Variants in LRMDA observed in about 807,000 individuals in gnomAD.
LRMDA encodes the protein leucine rich melanocyte differentiation associated.
In LRMDA, 18 loss-of-function variants were observed where a neutral mutation model predicts 29.8. That is an observed-to-expected ratio of 0.60 (90% confidence interval 0.42 to 0.90). The LOEUF (loss-of-function observed/expected upper bound fraction) is 0.90, where lower values mean the gene tolerates loss of function less well. Among genes scored for constraint, LRMDA ranks in the 40% least tolerant of loss-of-function variants. The pLI is 0.00. For synonymous variants in LRMDA, 125 were observed against 109.4 expected, an observed-to-expected ratio of 1.14 and a Z score of -0.89; for missense variants, 273 against 273.9, an observed-to-expected ratio of 1.00 and a Z score of 0.02.
At chr10:76,386,937 T>G (rs565455789) in intron 6 of LRMDA, among the ~76,000 whole-genome samples, 3 of 152,122 alleles carry the variant, frequency 2.0e-5, no homozygotes, top group African/African-American at 7.2e-5. Flanking sequence ...CAAGTAAACA[T>G]AAAAAGCTCA....
At chr10:76,125,782 C>T (rs1240008103) in intron 5 of LRMDA, among the ~76,000 whole-genome samples, 1 of 152,196 alleles carries the variant, frequency 6.6e-6, no homozygotes, top group Admixed American at 6.5e-5. Flanking sequence ...ACTGTCTCGA[C>T]CTCCTCAGTT....
chr10:76,487,056 A>G (rs1406576255), intron 6 of LRMDA, among the ~76,000 whole-genome samples: 1 of 151,946 alleles, frequency 6.6e-6, no homozygotes, highest in East Asian at 1.9e-4. Context: ...ATAAGATGGA[A>G]ATTTTTTTTC....
At chr10:76,179,236 GA>G (rs1179795848) in intron 5 of LRMDA, among the ~76,000 whole-genome samples, 16 of 152,182 alleles carry the variant, frequency 1.1e-4, no homozygotes, top group East Asian at 1.9e-4. Context: ...TGCAATCAAG[GA>G]GGGGGGGGTG....
chr10:76,237,890 A>G (rs1852185509), intron 5 of LRMDA, among the ~76,000 whole-genome samples: 1 of 145,944 alleles, frequency 6.9e-6, no homozygotes, highest in African/African-American at 2.5e-5. Context: ...CCCTGGGTTC[A>G]AGCAATTCTG....
intron 2 of LRMDA, among the ~76,000 whole-genome samples, chr10:75,821,496 G>T (rs765395349): frequency 6.6e-6 from 1 of 152,226 alleles, no homozygotes; most frequent in Non-Finnish European, 1.5e-5. Flanking sequence ...CTGGCTGGGC[G>T]TGGTGGCTCA....
chr10:75,515,897 C>T (rs879814189), intron 2 of LRMDA, among the ~76,000 whole-genome samples: 1 of 151,994 alleles, frequency 6.6e-6, no homozygotes, highest in Non-Finnish European at 1.5e-5. Flanking sequence ...ATGTTCCTCG[C>T]CCTGTGTCCA....
chr10:76,330,016 T>C (rs1840885443), intron 6 of LRMDA, among the ~76,000 whole-genome samples: 2 of 152,112 alleles, frequency 1.3e-5, no homozygotes, highest in Admixed American at 1.3e-4. Context: ...ACAAAAATGT[T>C]TGGGATGGGG....
At chr10:76,007,027 T>TGTGTGTGTGTGC (rs1554840197) in intron 2 of LRMDA, among the ~76,000 whole-genome samples, 1 of 27,754 alleles carries the variant, frequency 3.6e-5, no homozygotes, top group South Asian at 2.2e-3. Context: ...TGTGTGTGTG[T>TGTGTGTGTGTGC]GTGTGCGCGT....
At chr10:76,065,351 C>G (rs1036116295) in intron 5 of LRMDA, among the ~76,000 whole-genome samples, 1 of 152,122 alleles carries the variant, frequency 6.6e-6, no homozygotes, top group East Asian at 1.9e-4. Flanking sequence ...CCAAAATACA[C>G]AATAGAAAGA....
At chr10:76,056,667 G>A (rs1848619739) in intron 4 of LRMDA, among the ~76,000 whole-genome samples, 1 of 152,254 alleles carries the variant, frequency 6.6e-6, no homozygotes, top group Non-Finnish European at 1.5e-5. Context: ...GATTGTGACA[G>A]TGCCTGGGCT....
At chr10:76,478,358 C>T (rs1589208005) in intron 6 of LRMDA, among the ~76,000 whole-genome samples, 2 of 152,124 alleles carry the variant, frequency 1.3e-5, no homozygotes, top group African/African-American at 4.8e-5. Flanking sequence ...TACCATCTCA[C>T]ACCAGTTCGA....
chr10:75,489,164 T>C (rs1196347958), intron 2 of LRMDA, among the ~76,000 whole-genome samples: 2 of 148,614 alleles, frequency 1.3e-5, no homozygotes, highest in Non-Finnish European at 3.0e-5. Context: ...AGTTAGGACA[T>C]CTCACTGTAC....
At chr10:75,763,098 C>CAA (rs1205528235) in intron 2 of LRMDA, among the ~76,000 whole-genome samples, 2 of 152,186 alleles carry the variant, frequency 1.3e-5, no homozygotes, top group African/African-American at 4.8e-5. Flanking sequence ...AACAGGGTGT[C>CAA]TTGGATAATT....
intron 6 of LRMDA, among the ~76,000 whole-genome samples, chr10:76,523,000 G>C (rs1199288115): frequency 6.6e-6 from 1 of 152,102 alleles, no homozygotes; most frequent in Admixed American, 6.6e-5. Context: ...GGGCACTGCA[G>C]ACCAGAGAAA....
Position 76,000,566 on chromosome 10 carries a change from A to G in LRMDA, c.132-35442A>G, listed in dbSNP as rs544076413. Among the ~76,000 whole-genome samples, 182 of 152,348 alleles carry G rather than the reference A, an allele frequency of 1.2e-3. 6 individuals are homozygous for G. In the South Asian group the frequency reaches 0.037, roughly 31 times the overall value. The stretch of plus-strand genomic sequence containing the variant: ...TCTTTGGAGATTTTGGAGCAGCCTC[A>G]TTCAGGGGCTGTGGTGAATGTGAAT... On this transcript the variant is annotated intron_variant, in intron 2 of 6. Transcript: ENST00000611255.
At chr10:76,233,513 C>T (rs1396570836) in intron 5 of LRMDA, among the ~76,000 whole-genome samples, 1 of 152,166 alleles carries the variant, frequency 6.6e-6, no homozygotes, top group African/African-American at 2.4e-5. Context: ...TTGATTGACT[C>T]ACGAAAGATT....
At chr10:76,184,230 C>T (rs768133160) in intron 5 of LRMDA, among the ~76,000 whole-genome samples, 3 of 151,922 alleles carry the variant, frequency 2.0e-5, no homozygotes, top group Non-Finnish European at 4.4e-5. Context: ...GGGGTTTCAC[C>T]GTGTTGGCCA....
intron 6 of LRMDA, among the ~76,000 whole-genome samples, chr10:76,428,208 A>G (rs1344445973): frequency 2.6e-5 from 4 of 152,124 alleles, no homozygotes; most frequent in Non-Finnish European, 4.4e-5. Flanking sequence ...GCTTTCTTCT[A>G]CTTTATTGAA....
At chr10:76,191,178 T>G (rs1424833082) in intron 5 of LRMDA, among the ~76,000 whole-genome samples, 1 of 152,226 alleles carries the variant, frequency 6.6e-6, no homozygotes, top group Non-Finnish European at 1.5e-5. Flanking sequence ...TGACTGAAAT[T>G]AATTATTCTG....
Sources: allele counts gnomAD v4.1 joint callset (sites outside exome capture counted in the v4.1 genomes callset), GRCh38; gene constraint gnomAD v4.1.1; transcripts MANE v1.5; gene names NCBI Gene and HGNC (gene_info 2026-07-23, HGNC 2026-07-21).